Variants in LNX1 observed in about 807,000 individuals in gnomAD.
LNX1 encodes the protein E3 ubiquitin-protein ligase LNX.
In LNX1, 54 loss-of-function variants were observed where a neutral mutation model predicts 68.4. That is an observed-to-expected ratio of 0.79 (90% CI 0.63 to 0.99). The LOEUF is 0.99. Among genes scored for constraint, LNX1 ranks in the 50% least tolerant of loss-of-function variants. LNX1 has a pLI of 0.00. For missense variants in LNX1, 906 were observed against 926.4 expected, an observed-to-expected ratio of 0.98 and a Z score of 0.29; for synonymous variants, 336 against 350.0, an observed-to-expected ratio of 0.96 and a Z score of 0.45.
At chr4:53,525,505 T>C (rs1727547822) in intron 2 of LNX1, among the ~76,000 whole-genome samples, 2 of 152,200 alleles carry the variant, frequency 1.3e-5, no homozygotes, top group African/African-American at 2.4e-5. Flanking sequence ...TCAAAGATGC[T>C]TGGTTTCCTG....
chr4:53,521,165 T>G (rs1230999342), intron 2 of LNX1, among the ~76,000 whole-genome samples: 4 of 152,236 alleles, frequency 2.6e-5, no homozygotes, highest in East Asian at 1.9e-4. Flanking sequence ...ACTGACTGCC[T>G]AGTGAGGTTT....
At chr4:53,557,767 T>C in intron 2 of LNX1, 3 of 1,290,060 alleles carry the variant, frequency 2.3e-6, no homozygotes, top group Non-Finnish European at 3.2e-6. Flanking sequence ...GTGCATCTAG[T>C]ATGTGTGGAA....
intron 2 of LNX1, chr4:53,539,284 A>G (rs1728589518): frequency 1.3e-5 from 2 of 152,262 alleles, no homozygotes; most frequent in Non-Finnish European, 2.9e-5. Context: ...TATAAAAAGA[A>G]TAGTGAAGTA....
intron 1 of LNX1, among the ~76,000 whole-genome samples, chr4:53,623,106 C>T (rs187007385): frequency 6.6e-5 from 10 of 152,088 alleles, no homozygotes; most frequent in African/African-American, 2.2e-4. Context: ...ATTCATGATC[C>T]TGGACTGATC....
intron 2 of LNX1, among the ~76,000 whole-genome samples, chr4:53,546,471 A>T (rs778918450): frequency 1.3e-5 from 2 of 152,150 alleles, no homozygotes; most frequent in Non-Finnish European, 2.9e-5. Flanking sequence ...CTCCAATTTT[A>T]TTGCTTCCTC....
chr4:53,590,313 C>T (rs1732430567), intron 1 of LNX1, among the ~76,000 whole-genome samples: 1 of 152,194 alleles, frequency 6.6e-6, no homozygotes, highest in African/African-American at 2.4e-5. Flanking sequence ...AGCATAATTC[C>T]TAACAGATTA....
chr4:53,577,262 G>A (rs992653982), intron 1 of LNX1, among the ~76,000 whole-genome samples: 5 of 152,204 alleles, frequency 3.3e-5, no homozygotes, highest in African/African-American at 1.2e-4. Flanking sequence ...GGTTCACACA[G>A]GATGAACTAA....
In LNX1 at chr4:53,469,204, C is replaced by T. The variant is rs547765605; in HGVS notation, c.1892+7549G>A. On this transcript the variant is annotated intron_variant, in intron 9 of 10. Coordinates refer to ENST00000263925, the MANE Select transcript of LNX1 (RefSeq NM_001126328.3). ...AAGAAACTCACTCAAAACTGCTCAA[C>T]TACATGGAAACTGAACAACCTGCTC... 2.6e-5 allele frequency among the ~76,000 whole-genome samples: 4 copies of T among 152,298 alleles called. No individual in the cohort carries two copies. In the South Asian group the frequency reaches 6.2e-4, roughly 24 times the overall value.
At chr4:53,503,151 C>G (rs888182248) in intron 4 of LNX1, among the ~76,000 whole-genome samples, 1 of 152,142 alleles carries the variant, frequency 6.6e-6, no homozygotes, top group Non-Finnish European at 1.5e-5. Context: ...AAGTCTTGAA[C>G]CCCTCAAAGT....
At chr4:53,647,243 A>G (rs1734919844) in intron 1 of LNX1, among the ~76,000 whole-genome samples, 1 of 152,224 alleles carries the variant, frequency 6.6e-6, no homozygotes, top group Admixed American at 6.5e-5. Context: ...CCACCTGTCA[A>G]GAACTGCAGT....
At chr4:53,583,552 G>GAAAA (rs35922375) in intron 1 of LNX1, among the ~76,000 whole-genome samples, 1 of 149,206 alleles carries the variant, frequency 6.7e-6, no homozygotes, top group African/African-American at 2.5e-5. Flanking sequence ...CAAAAATACA[G>GAAAA]AAAAAAAAAA....
chr4:53,468,819 G>A (rs1722909746), intron 9 of LNX1, among the ~76,000 whole-genome samples: 1 of 152,192 alleles, frequency 6.6e-6, no homozygotes, highest in Non-Finnish European at 1.5e-5. Flanking sequence ...ACCCAATACA[G>A]GAGCACTCAG....
At chr4:53,472,202 C>G (rs1387630962) in intron 9 of LNX1, among the ~76,000 whole-genome samples, 2 of 152,082 alleles carry the variant, frequency 1.3e-5, no homozygotes, top group Non-Finnish European at 2.9e-5. Flanking sequence ...ATGGATGAAG[C>G]TGGAAACCAT....
intron 1 of LNX1, among the ~76,000 whole-genome samples, chr4:53,589,997 A>G (rs1489539948): frequency 3.3e-5 from 5 of 152,144 alleles, no homozygotes; most frequent in South Asian, 2.1e-4. Flanking sequence ...TCTTGAGGAG[A>G]GGTTTAGATG....
Position 53,559,848 on chromosome 4 carries a change from A to G in LNX1, c.380+13775T>C, listed in dbSNP as rs535460272. On this transcript the variant is annotated intron_variant, in intron 2 of 10. Transcript: ENST00000263925. ...AAAAAAATTAAAATCTTTTTCAGAG[A>G]TGAGGGTCCCTCTATGTTGCCCAGG... is the stretch of plus-strand genomic sequence containing the variant. Among the ~76,000 whole-genome samples, 4 of 148,456 alleles carry G rather than the reference A, an allele frequency of 2.7e-5. No individual in the cohort carries two copies. In the South Asian group the frequency reaches 6.6e-4, roughly 25 times the overall value.
chr4:53,520,340 C>T (rs1180904968), intron 2 of LNX1, among the ~76,000 whole-genome samples: 1 of 152,222 alleles, frequency 6.6e-6, no homozygotes, highest in Non-Finnish European at 1.5e-5. Flanking sequence ...GGAGTGACAA[C>T]TCAGAATTCC....
intron 9 of LNX1, among the ~76,000 whole-genome samples, chr4:53,464,431 G>C (rs559856788): frequency 3.8e-5 from 4 of 105,104 alleles, no homozygotes; most frequent in South Asian, 3.1e-4. Flanking sequence ...GAAATATTTA[G>C]CTCCAATTTT....
chr4:53,595,848 AC>A (rs796544175), upstream of LNX1, among the ~76,000 whole-genome samples: 1 of 152,254 alleles, frequency 6.6e-6, no homozygotes, highest in East Asian at 1.9e-4. Context: ...CAGCAGAATT[AC>A]TTTGCCCATT....
chr4:53,496,050 G>A lies in LNX1; in HGVS notation c.1323C>T (p.Ser441=), dbSNP rs1579409808. 6.2e-7 allele frequency: 1 copy of A among 1,613,760 alleles called. No individual in the cohort carries two copies. The highest frequency in any genetic ancestry group is 8.5e-7 in the Non-Finnish European group (1 of 1,179,736). Residue 441 remains serine (S), a synonymous_variant, in exon 6 of 11, where the codon AGC becomes AGT. Coordinates refer to ENST00000263925, the MANE Select transcript of LNX1 (RefSeq NM_001126328.3). ...AINGHDLRYG[S]PESAAHLIQA... ...GAATCAGATGAGCCGCACTTTCTGGGCTGCCATATCGAAGATCATGTCCAT... is the reference window on the plus strand; with the variant it reads ...GAATCAGATGAGCCGCACTTTCTGGACTGCCATATCGAAGATCATGTCCAT...
Sources: allele counts gnomAD v4.1 joint callset (sites outside exome capture counted in the v4.1 genomes callset), GRCh38; gene constraint gnomAD v4.1.1; transcripts MANE v1.5; gene names NCBI Gene and HGNC (gene_info 2026-07-23, HGNC 2026-07-21).